The following ITGB4 variants were observed in gnomAD, a reference collection of about 807,000 sequenced individuals.
The protein encoded by ITGB4 is integrin subunit beta 4.
A neutral mutation model predicts 207.6 loss-of-function variants in ITGB4; 159 were observed. The ratio of observed to expected loss-of-function variants is 0.77; its 90% CI spans 0.67 to 0.87. The LOEUF is 0.87. Ranked by LOEUF, ITGB4 falls within the 40% of genes least tolerant of loss-of-function variation. The pLI, the probability that ITGB4 is intolerant of heterozygous loss-of-function variation, is 0.00. For synonymous variants in ITGB4, 1,020 were observed against 1,062.7 expected (o/e 0.96, Z 0.78); for missense variants, 2,278 against 2,546.8 (o/e 0.89, Z 2.27).
chr17:75,746,961 T>G (rs1369073509), intron 26 of ITGB4, among the ~76,000 whole-genome samples: 7 of 151,922 alleles, frequency 4.6e-5, no homozygotes, highest in Middle Eastern at 3.4e-3. Flanking sequence ...GCTTTGATAT[T>G]TGTTTTTTAA....
At position 75,728,386 on chromosome 17, in the gene ITGB4, T is replaced by G; in HGVS notation, c.479T>G (p.Leu160Arg). ...KKMGQNLARV[L>R]SQLTSDYTIG... ...TCCTTTTGACATCCAGCTCGGGTCC[T>G]GAGCCAGCTCACCAGCGACTACACT... Residue 160 changes from leucine (L) to arginine (R), a missense_variant, in exon 6 of 40, where the codon CTG becomes CGG. Physicochemically the swap from Leu to Arg is moderately radical, Grantham distance 102. Coordinates refer to ENST00000200181, the MANE Select transcript of ITGB4 (RefSeq NM_000213.5). The G allele has an allele frequency of 6.2e-7, 1 of 1,613,988 alleles. No individual in the cohort carries two copies.
In ITGB4 at chr17:75,740,643, C is replaced by T. The variant is rs2061086545; in HGVS notation, c.2551-150C>T. 1 of 1,030,548 alleles carries T rather than the reference C, an allele frequency of 9.7e-7. No homozygotes were observed. Among genetic ancestry groups the T allele is most frequent in the Non-Finnish European group, 1.5e-6 (1 of 670,168 alleles). 63.8% of individuals were successfully genotyped at this position (1,030,548 alleles called of 1,614,324 possible). On this transcript the variant is annotated intron_variant, in intron 21 of 39. Coordinates refer to ENST00000200181, the MANE Select transcript of ITGB4 (RefSeq NM_000213.5). The surrounding 1 kb of genome is among the most constrained non-coding windows in gnomAD (Gnocchi z 5.9). ...TTTCCAGAGGGCAGAAGGCCAGAGC[C>T]TGGGCCCAGGATGCTGCCCCACGGG...
Position 75,736,581 on chromosome 17 carries a change from G to T in ITGB4, c.1877G>T (p.Cys626Phe), listed in dbSNP as rs1413648967. The T allele has an allele frequency of 6.2e-7, 1 of 1,601,368 alleles. No homozygotes were observed. Among genetic ancestry groups the T allele is most frequent in the Non-Finnish European group, 8.5e-7 (1 of 1,174,490 alleles). ...INYSAIHPGLCEDLRSCVQCQ... is the reference protein window; with the variant it reads ...INYSAIHPGLFEDLRSCVQCQ... ...CCCGCCAAGATCCACCCGGGCCTCT[G>T]CGAGGACCTACGCTCCTGCGTGCAG... Residue 626 changes from cysteine (C) to phenylalanine (F), a missense_variant, in exon 16 of 40, where the codon TGC becomes TTC. Coordinates refer to ENST00000200181, the MANE Select transcript of ITGB4 (RefSeq NM_000213.5).
Position 75,751,062 on chromosome 17 carries a change from T to A in ITGB4, c.3744T>A (p.Gly1248=), listed in dbSNP as rs2061356723. The change falls in exon 30 of 40, where the codon GGT becomes GGA. Residue 1248 remains glycine, a synonymous_variant. Transcript: ENST00000200181. ...GGGCTGAGCCGGCTGAGACCAACGG[T>A]GAGATCACAGCCTACGAGGTCTGCT... ...LSWAEPAETN[G]EITAYEVCYG... is the part of the protein sequence containing the mutation. The A allele has an allele frequency of 6.2e-7, 1 of 1,613,676 alleles. No individual in the cohort carries two copies. The highest frequency in any genetic ancestry group is 8.5e-7 in the Non-Finnish European group (1 of 1,179,996).
At chr17:75,724,629 G>A (rs2060681584) in intron 1 of ITGB4, 65 bp from the exon 2 acceptor site, 2 of 1,199,874 alleles carry the variant, frequency 1.7e-6, no homozygotes, top group East Asian at 4.7e-5. Flanking sequence ...TGTGCAGCGA[G>A]AGGAAGCTGA....
chr17:75,729,913 GC>G lies in ITGB4; in HGVS notation c.739-327del, dbSNP rs1599226204. ...AATCCCAGCACTTTGGGAGGCCGAGGCGGGGGGATTGCTTGAATTCAGGATT... is the reference window on the plus strand; with the variant it reads ...AATCCCAGCACTTTGGGAGGCCGAGGGGGGGGATTGCTTGAATTCAGGATT... On this transcript the variant is annotated intron_variant, in intron 7 of 39. Transcript: ENST00000200181. This position sits in a 1 kb window ranked among gnomAD's most constrained non-coding sequence, Gnocchi z 4.4. Among the ~76,000 whole-genome samples, 1 of 152,370 alleles carries G rather than the reference GC, an allele frequency of 6.6e-6. No individual in the cohort carries two copies. Among genetic ancestry groups the G allele is most frequent in the East Asian group, 1.9e-4 (1 of 5,188 alleles).
rs536865775 is a variant in ITGB4 at position 75,724,880 on chromosome 17, G to T, written c.79+98G>T. On this transcript the variant is annotated intron_variant, in intron 2 of 39. Coordinates refer to ENST00000200181, the MANE Select transcript of ITGB4 (RefSeq NM_000213.5). ...ATCTCACGGTGTCTCACCTAAACAC[G>T]CTTGGCCATTCAGCAACTGACCACT... 7.7e-6 allele frequency: 8 copies of T among 1,035,354 alleles called. No individual in the cohort carries two copies. In the South Asian group the frequency reaches 1.0e-4, roughly 14 times the overall value. 64.1% of individuals were successfully genotyped at this position (1,035,354 alleles called of 1,614,324 possible).
At chr17:75,724,853 G>C (rs765367145) in intron 2 of ITGB4, 71 bp downstream of exon 2, 6 of 1,289,782 alleles carry the variant, frequency 4.7e-6, no homozygotes, top group Non-Finnish European at 6.7e-6. Context: ...CCTTGCACGG[G>C]GATCTCACGG....
Position 75,757,434 on chromosome 17 carries a change from C to T in ITGB4, c.5348C>T (p.Ala1783Val). ...PFLVDGLTLG[A>V]QHLEAGGSLT... Reference sequence around the variant, plus strand: ...TCCACAGATGGGCTGACCCTGGGGGCCCAGCACCTGGAGGCAGGCGGCTCC... The same window carrying T: ...TCCACAGATGGGCTGACCCTGGGGGTCCAGCACCTGGAGGCAGGCGGCTCC... Residue 1783 changes from alanine to valine, a missense_variant, in exon 40 of 40, where the codon GCC (alanine) becomes GTC (valine). Physicochemically the swap from Ala to Val is moderately conservative, Grantham distance 64 (BLOSUM62 0). Coordinates refer to ENST00000200181, the MANE Select transcript of ITGB4 (RefSeq NM_000213.5). 1 of 1,613,216 alleles carries T rather than the reference C, an allele frequency of 6.2e-7. No individual in the cohort carries two copies. Among genetic ancestry groups the T allele is most frequent in the Non-Finnish European group, 8.5e-7 (1 of 1,179,980 alleles).
chr17:75,755,826 G>A lies in ITGB4; in HGVS notation c.4684G>A (p.Val1562Met). ...RCERPLQGYS[V>M]EYQLLNGGEL... ...CGAGCGGCCGCTGCAGGGCTACAGTGTGGAGTACCAGCTGCTGAACGGCGG... is the reference window on the plus strand; with the variant it reads ...CGAGCGGCCGCTGCAGGGCTACAGTATGGAGTACCAGCTGCTGAACGGCGG... The change falls in exon 35 of 40, where the codon GTG (valine) becomes ATG (methionine). Residue 1562 changes from valine to methionine, a missense_variant. Transcript: ENST00000200181. The A allele has an allele frequency of 6.2e-7, 1 of 1,607,282 alleles. No individual in the cohort carries two copies. Among genetic ancestry groups the A allele is most frequent in the Non-Finnish European group, 8.5e-7 (1 of 1,179,762 alleles).
At position 75,722,044 on chromosome 17, in the gene ITGB4, T is replaced by C. The variant is rs180929772; in HGVS notation, c.-11+432T>C. On this transcript the variant is annotated intron_variant, in intron 1 of 39. Coordinates refer to ENST00000200181, the MANE Select transcript of ITGB4 (RefSeq NM_000213.5). The surrounding 1 kb of genome is among the most constrained non-coding windows in gnomAD (Gnocchi z 6.2). ...TTCTTTCTAACATTGGCTCCTACTT[T>C]TAAAAGCCACCCTGAGAGGCAGACG... 9.2e-5 allele frequency among the ~76,000 whole-genome samples: 14 copies of C among 152,316 alleles called. No individual in the cohort carries two copies. In the East Asian group the frequency reaches 2.7e-3, roughly 29 times the overall value.
At chr17:75,757,347 G>C (rs781343909) in intron 39 of ITGB4, 37 bp downstream of exon 39, 2 of 1,612,684 alleles carry the variant, frequency 1.2e-6, no homozygotes, top group Admixed American at 3.3e-5. Context: ...GGCTCTCCTG[G>C]GACAGGGAGC....
In ITGB4 at chr17:75,742,330, C is replaced by T. The variant is rs1340913446; in HGVS notation, c.2634-11C>T. 28 of 1,613,124 alleles carry T rather than the reference C, an allele frequency of 1.7e-5. No individual in the cohort carries two copies. In the Admixed American group the frequency reaches 4.5e-4, roughly 26 times the overall value. ...CCCCTCCGCTGCCTGAACCTTCCAC[C>T]CTCGACCCAGGCAAGACCACACCAT... On this transcript the variant is annotated splice_polypyrimidine_tract_variant and intron_variant, in intron 23 of 39. Transcript: ENST00000200181. This position sits in a 1 kb window ranked among gnomAD's most constrained non-coding sequence, Gnocchi z 5.9.
At chr17:75,733,720 G>T in intron 13 of ITGB4, 28 bp downstream of exon 13, 1 of 1,609,034 alleles carries the variant, frequency 6.2e-7, no homozygotes, top group Non-Finnish European at 8.5e-7. Context: ...GGCCAATGCT[G>T]ATGGCGGGGT....
At chr17:75,726,757 TACAACA>T (rs1184305419) in intron 2 of ITGB4, among the ~76,000 whole-genome samples, 1 of 145,448 alleles carries the variant, frequency 6.9e-6, no homozygotes. Flanking sequence ...AAAATAAAAA[TACAACA>T]ACAACAACAA....
At chr17:75,752,683 A>G (rs988786723) in intron 32 of ITGB4, 106 bp downstream of exon 32, 3 of 1,417,336 alleles carry the variant, frequency 2.1e-6, no homozygotes, top group African/African-American at 2.8e-5. Flanking sequence ...GAGGACATGG[A>G]GGTTAAGGCA....
chr17:75,731,493 G>A lies in ITGB4; in HGVS notation c.1215+125G>A. 1 of 1,030,068 alleles carries A rather than the reference G, an allele frequency of 9.7e-7. No homozygotes were observed. 63.8% of individuals were successfully genotyped at this position (1,030,068 alleles called of 1,614,324 possible). ...AGGCAGGCCTGGGTGCAGATCCCTGGGCCTAGCCGCTCGGATGAGCCTAGG... is the reference window on the plus strand; with the variant it reads ...AGGCAGGCCTGGGTGCAGATCCCTGAGCCTAGCCGCTCGGATGAGCCTAGG... On this transcript the variant is annotated intron_variant, in intron 10 of 39. Coordinates refer to ENST00000200181, the MANE Select transcript of ITGB4 (RefSeq NM_000213.5). This position sits in a 1 kb window ranked among gnomAD's most constrained non-coding sequence, Gnocchi z 6.8.
intron 34 of ITGB4, chr17:75,755,066 A>T (rs1293463542): frequency 1.9e-6 from 3 of 1,598,878 alleles, no homozygotes; most frequent in Admixed American, 1.7e-5. Context: ...CCTCCCTCCC[A>T]TCTGGGAACA....
intron 6 of ITGB4, 27 bp downstream of exon 6, chr17:75,728,500 T>A (rs762326213): frequency 6.4e-7 from 1 of 1,567,366 alleles, no homozygotes; most frequent in East Asian, 2.2e-5. Flanking sequence ...GTCCCGCAGG[T>A]GGGCAAGGGT....
Sources: allele counts gnomAD v4.1 joint callset (sites outside exome capture counted in the v4.1 genomes callset), GRCh38; gene constraint gnomAD v4.1.1; non-coding constraint Gnocchi (gnomAD v3.1); transcripts MANE v1.5; gene names NCBI Gene and HGNC (gene_info 2026-07-23, HGNC 2026-07-21).